TECTA: variants seen among roughly 807,000 people sequenced by gnomAD.
TECTA encodes alpha-tectorin.
A neutral mutation model predicts 216.8 loss-of-function variants in TECTA; 128 were observed. That is an observed-to-expected ratio of 0.59 (90% CI 0.51 to 0.68). The LOEUF is 0.68. Ranked by LOEUF, TECTA falls within the 30% of genes least tolerant of loss-of-function variation. The pLI, the probability that TECTA is intolerant of heterozygous loss-of-function variation, is 0.00. For missense variants in TECTA, 2,551 were observed against 2,786.2 expected, an observed-to-expected ratio of 0.92 and a Z score of 1.90; for synonymous variants, 1,089 against 1,117.1, an observed-to-expected ratio of 0.97 and a Z score of 0.50.
chr11:121,122,092 T>C (rs932387114), intron 7 of TECTA, among the ~76,000 whole-genome samples: 2 of 152,160 alleles, frequency 1.3e-5, no homozygotes, highest in Non-Finnish European at 2.9e-5. Flanking sequence ...TGCAGGATGG[T>C]TTATTTCTCA....
In TECTA at chr11:121,130,197, C is replaced by T; in HGVS notation, c.2927C>T (p.Thr976Ile). 1 of 1,600,618 alleles carries T rather than the reference C, an allele frequency of 6.2e-7. No individual in the cohort carries two copies. ...GACGTGGAGGTGGGGCCCTGGCGGA[C>T]CTATGACTTCTGCCGTAAGTTGGGG... is the stretch of plus-strand genomic sequence containing the variant. ...NADVEVGPWR[T>I]YDFCPLECPE... Residue 976 changes from threonine (T) to isoleucine (I), a missense_variant, in exon 10 of 24, where the codon ACC becomes ATC. Thr to Ile is a moderately conservative substitution (Grantham distance 89). Transcript: ENST00000392793.
chr11:121,145,757 A>T lies in TECTA; in HGVS notation c.3746A>T (p.Asp1249Val). The T allele has an allele frequency of 6.2e-7, 1 of 1,614,238 alleles. No individual in the cohort carries two copies. The change falls in exon 12 of 24, where the codon GAT becomes GTT. Residue 1249 changes from aspartate (D) to valine (V), a missense_variant. This residue lies in a region of TECTA where 2,375 missense variants were observed against 2,563.9 expected (regional missense o/e 0.93). Transcript: ENST00000392793. ...TGTGGCCGCTACAACGGCAACCCTG[A>T]TGATGACCTGGAGATGCCCATGGGT... ...GLCGRYNGNP[D>V]DDLEMPMGLL...
intron 14 of TECTA, among the ~76,000 whole-genome samples, chr11:121,159,420 T>G (rs1042365832): frequency 6.6e-6 from 1 of 152,204 alleles, no homozygotes; most frequent in Admixed American, 6.5e-5. Context: ...GACTCATTTT[T>G]GAAAAAGGTG....
chr11:121,161,992 G>T, intron 15 of TECTA, 83 bp from the exon 16 acceptor site: 3 of 1,583,322 alleles, frequency 1.9e-6, no homozygotes, highest in Non-Finnish European at 2.6e-6. Flanking sequence ...ACTAGCTTCA[G>T]GGGTAGCAAA....
chr11:121,133,742 C>T (rs1946697950), intron 10 of TECTA, among the ~76,000 whole-genome samples: 1 of 152,176 alleles, frequency 6.6e-6, no homozygotes, highest in African/African-American at 2.4e-5. Context: ...CATGGAATCA[C>T]AGCACACACG....
At chr11:121,103,173 C>T (rs1946362160) in intron 2 of TECTA, among the ~76,000 whole-genome samples, 1 of 152,138 alleles carries the variant, frequency 6.6e-6, no homozygotes, top group Non-Finnish European at 1.5e-5. Context: ...GTATCAGTGA[C>T]CTTTTACGTG....
At chr11:121,129,155 T>G (rs1165546849) in intron 9 of TECTA, among the ~76,000 whole-genome samples, 1 of 152,180 alleles carries the variant, frequency 6.6e-6, no homozygotes, top group East Asian at 1.9e-4. Flanking sequence ...TTGGCAGAGA[T>G]TTATTTATTA....
intron 12 of TECTA, 139 bp downstream of exon 12, chr11:121,146,255 A>T (rs984246126): frequency 3.0e-6 from 3 of 1,014,682 alleles, no homozygotes; most frequent in Admixed American, 2.0e-5. Flanking sequence ...TGAGTTTGTT[A>T]TCTGAATGAA....
At position 121,158,739 on chromosome 11, in the gene TECTA, G is replaced by A. The variant is rs996017594; in HGVS notation, c.4689+515G>A. On this transcript the variant is annotated intron_variant, in intron 14 of 23. Transcript: ENST00000392793. Reference sequence around the variant, plus strand: ...AGGGCCCCGTGATGACATGCTGAGGGGCAGGAAATGGGAGGCTGCTCTTGG... The same window carrying A: ...AGGGCCCCGTGATGACATGCTGAGGAGCAGGAAATGGGAGGCTGCTCTTGG... Among the ~76,000 whole-genome samples, 11 of 152,060 alleles carry A rather than the reference G, an allele frequency of 7.2e-5. 1 individual carries two copies.
intron 6 of TECTA, among the ~76,000 whole-genome samples, chr11:121,116,571 G>A (rs1184038010): frequency 2.0e-5 from 3 of 152,120 alleles, no homozygotes; most frequent in Admixed American, 6.5e-5. Context: ...TTTCATATAC[G>A]GGATGATTTC....
rs1178775895 is a variant in TECTA, at chr11:121,127,701, A to C, written c.1775-51A>C. Reference sequence around the variant, plus strand: ...AGCGTTAAGATTCTGGCGGGTTAGCACTCCGGGTCCATTCACCTTGTTATC... The same window carrying C: ...AGCGTTAAGATTCTGGCGGGTTAGCCCTCCGGGTCCATTCACCTTGTTATC... On this transcript the variant is annotated intron_variant, in intron 8 of 23. Coordinates refer to ENST00000392793, the MANE Select transcript of TECTA (RefSeq NM_005422.4). This position sits in a 1 kb window ranked among gnomAD's most constrained non-coding sequence, Gnocchi z 5.0. The C allele has an allele frequency of 2.5e-6, 4 of 1,602,034 alleles. No individual in the cohort carries two copies. The South Asian group carries it at 3.3e-5, about 13-fold the overall frequency.
chr11:121,129,994 C>T lies in TECTA; in HGVS notation c.2724C>T (p.Ser908=). Residue 908 remains serine (S), a synonymous_variant, in exon 10 of 24, where the codon AGC becomes AGT. Transcript: ENST00000392793. ...CGGAGCTGCTCAAGTTTTATCGAAG[C>T]CGCTCCAGGTGCGGCATCATCAACG... ...NDSELLKFYR[S]RSRCGIINDP... 1 of 1,605,918 alleles carries T rather than the reference C, an allele frequency of 6.2e-7. No individual in the cohort carries two copies. The highest frequency in any genetic ancestry group is 2.2e-5 in the East Asian group (1 of 44,728).
chr11:121,110,224 GT>G (rs1373228884), intron 4 of TECTA: 1 of 152,718 alleles, frequency 6.5e-6, no homozygotes. Context: ...CCTGCAGCTT[GT>G]TTGGGTGACT....
chr11:121,134,919 A>G (rs1407433133), intron 10 of TECTA, among the ~76,000 whole-genome samples: 1 of 152,144 alleles, frequency 6.6e-6, no homozygotes, highest in African/African-American at 2.4e-5. Context: ...ACTATCCCTC[A>G]TCTGGGCCAG....
chr11:121,141,701 T>C (rs555286437), intron 11 of TECTA, among the ~76,000 whole-genome samples: 10 of 152,326 alleles, frequency 6.6e-5, no homozygotes, highest in African/African-American at 2.4e-4. Flanking sequence ...TATCACTTAT[T>C]GCCAGTCAGG....
rs1480664923 is a variant in TECTA at position 121,113,598 on chromosome 11, G to T, written c.670G>T (p.Gly224Trp). 1 of 1,613,950 alleles carries T rather than the reference G, an allele frequency of 6.2e-7. No individual in the cohort carries two copies. The highest frequency in any genetic ancestry group is 2.2e-5 in the East Asian group (1 of 44,880). ...GNLTNFFSLP[G>W]SRTPEIVNIQ... ...CCTCACCAATTTCTTCAGCCTCCCG[G>T]GGTCAAGAACCCCCGAGATCGTGAA... is the stretch of plus-strand genomic sequence containing the variant. The change falls in exon 6 of 24, where the codon GGG (glycine) becomes TGG (tryptophan). Residue 224 changes from glycine to tryptophan, a missense_variant. This residue lies in a region of TECTA where 2,375 missense variants were observed against 2,563.9 expected (regional missense o/e 0.93). Transcript: ENST00000392793. This position sits in a 1 kb window ranked among gnomAD's most constrained non-coding sequence, Gnocchi z 4.2.
At chr11:121,101,634 A>G (rs1946347765) in intron 1 of TECTA, among the ~76,000 whole-genome samples, 192 bp downstream of exon 1, 2 of 152,246 alleles carry the variant, frequency 1.3e-5, no homozygotes, top group Non-Finnish European at 2.9e-5. Context: ...TGAAATTACA[A>G]CATATATACT....
Position 121,109,350 on chromosome 11 carries a change from A to G in TECTA, c.338A>G (p.Tyr113Cys). The G allele has an allele frequency of 6.2e-7, 1 of 1,614,186 alleles. No individual in the cohort carries two copies. The highest frequency in any genetic ancestry group is 1.6e-4 in the Middle Eastern group (1 of 6,062). ...VHNGIRGEIY[Y>C]RETMEPAILK... Reference sequence around the variant, plus strand: ...AATGGAATTCGAGGCGAGATCTATTACAGAGAGACCATGGAGCCTGCCATC... The same window carrying G: ...AATGGAATTCGAGGCGAGATCTATTGCAGAGAGACCATGGAGCCTGCCATC... Residue 113 changes from tyrosine to cysteine, a missense_variant, in exon 4 of 24, where the codon TAC (tyrosine) becomes TGC (cysteine). Transcript: ENST00000392793.
intron 18 of TECTA, among the ~76,000 whole-genome samples, chr11:121,167,051 T>C (rs1171842860): frequency 6.6e-6 from 1 of 152,218 alleles, no homozygotes; most frequent in Non-Finnish European, 1.5e-5. Context: ...GGATTGTGTC[T>C]TCTTTTCTGC....
Sources: gnomAD v4.1 joint callset for allele counts (sites outside exome capture counted in the v4.1 genomes callset) on GRCh38, gnomAD v4.1.1 for gene constraint, gnomAD v4.1.1 regional missense constraint, Gnocchi (gnomAD v3.1) non-coding constraint, MANE v1.5 for transcripts, NCBI Gene and HGNC (gene_info 2026-07-23, HGNC 2026-07-21) for gene names.